The following CHLSN variants were observed in gnomAD, a reference collection of about 807,000 sequenced individuals.
The protein encoded by CHLSN is protein cholesin.
chr7:1,120,589 G>A, the CHLSN span, among the ~76,000 whole-genome samples: 1 of 152,156 alleles, frequency 6.6e-6, no homozygotes, highest in Admixed American at 6.5e-5. Flanking sequence ...CACCGTACCT[G>A]GCCAGCAGCT....
At chr7:996,992 G>C in the CHLSN span, 1 of 152,372 alleles carries the variant, frequency 6.6e-6, no homozygotes. Flanking sequence ...ACCGCACAGA[G>C]CAGGACCCAC....
chr7:1,009,698 C>T, the CHLSN span, among the ~76,000 whole-genome samples: 1 of 152,218 alleles, frequency 6.6e-6, no homozygotes, highest in African/African-American at 2.4e-5. Context: ...ACCATCAGAC[C>T]CATTTCTAAA....
the CHLSN span, among the ~76,000 whole-genome samples, chr7:1,004,366 G>A: frequency 1.3e-5 from 2 of 152,284 alleles, no homozygotes; most frequent in African/African-American, 4.8e-5. Flanking sequence ...CCTTGGGAAC[G>A]TGGAGTGGTG....
At chr7:1,077,922 TGCC>T in the CHLSN span, 1 of 152,406 alleles carries the variant, frequency 6.6e-6, no homozygotes, top group Non-Finnish European at 1.5e-5. Context: ...CGGCGTCCTC[TGCC>T]GCCAACTGCT....
chr7:1,030,442 G>A, the CHLSN span, among the ~76,000 whole-genome samples: 4 of 152,178 alleles, frequency 2.6e-5, no homozygotes, highest in African/African-American at 9.7e-5. Context: ...CCCGGGCTGG[G>A]CCACTAGCCC....
At chr7:1,089,745 C>T in the CHLSN span, among the ~76,000 whole-genome samples, 77 of 135,756 alleles carry the variant, frequency 5.7e-4, 2 homozygotes, top group African/African-American at 1.8e-3. Context: ...TATTTTCAAG[C>T]AATAGGTCAA....
the CHLSN span, among the ~76,000 whole-genome samples, chr7:1,081,090 C>A: frequency 1.3e-5 from 2 of 152,250 alleles, no homozygotes; most frequent in East Asian, 3.8e-4. Flanking sequence ...ACGCCCCCCA[C>A]CCGGCAGCCC....
chr7:1,136,577 CAT>C, the CHLSN span, among the ~76,000 whole-genome samples: 6 of 128,262 alleles, frequency 4.7e-5, no homozygotes, highest in South Asian at 8.8e-4. Flanking sequence ...TAAACATAAA[CAT>C]ATATAAACAT....
At chr7:1,133,392 C>CAAAAAAAAAAAAA in the CHLSN span, among the ~76,000 whole-genome samples, 4 of 91,106 alleles carry the variant, frequency 4.4e-5, no homozygotes, top group African/African-American at 1.2e-4. Context: ...CGATATACTG[C>CAAAAAAAAAAAAA]AAAAAAAAAA....
At chr7:1,064,706 C>T in the CHLSN span, among the ~76,000 whole-genome samples, 1 of 152,226 alleles carries the variant, frequency 6.6e-6, no homozygotes, top group African/African-American at 2.4e-5. Context: ...GCCGAGTCAC[C>T]TGGCCCCAGA....
At chr7:1,094,967 G>T in the CHLSN span, among the ~76,000 whole-genome samples, 1 of 152,178 alleles carries the variant, frequency 6.6e-6, no homozygotes, top group African/African-American at 2.4e-5. Context: ...GAACAGGGCG[G>T]CTCCCACACA....
the CHLSN span, chr7:985,406 G>A: frequency 2.8e-6 from 4 of 1,435,874 alleles, no homozygotes; most frequent in Admixed American, 6.6e-5. Context: ...CCCCAGTGCT[G>A]TCCCCTCTCA....
chr7:1,052,434 G>C, the CHLSN span, among the ~76,000 whole-genome samples: 1 of 152,192 alleles, frequency 6.6e-6, no homozygotes, highest in African/African-American at 2.4e-5. This position sits in a 1 kb window ranked among gnomAD's most constrained non-coding sequence, Gnocchi z 4.2. Context: ...GTGGGGGAGG[G>C]TTTCGGGGGG....
At chr7:1,130,404 A>T in the CHLSN span, among the ~76,000 whole-genome samples, 1 of 152,092 alleles carries the variant, frequency 6.6e-6, no homozygotes, top group East Asian at 1.9e-4. Context: ...GGCAGGGACA[A>T]GGCTGCTTCT....
chr7:1,070,573 AACACGCACACACGG>A, the CHLSN span, among the ~76,000 whole-genome samples: 1 of 134,712 alleles, frequency 7.4e-6, no homozygotes, highest in Non-Finnish European at 1.6e-5. Flanking sequence ...CACACACGCA[AACACGCACACACGG>A]ACACGCACAC....
the CHLSN span, chr7:1,045,282 C>G: frequency 6.6e-6 from 1 of 152,246 alleles, no homozygotes; most frequent in Non-Finnish European, 1.5e-5. Flanking sequence ...TGGCTTATCT[C>G]TGCATGCATG....
At chr7:1,016,765 ACAGCG>A in the CHLSN span, among the ~76,000 whole-genome samples, 7 of 77,074 alleles carry the variant, frequency 9.1e-5, no homozygotes, top group Middle Eastern at 8.6e-3. Flanking sequence ...ACGCCAGCGC[ACAGCG>A]CACAGCAGCG....
the CHLSN span, chr7:983,327 C>T: frequency 1.5e-5 from 23 of 1,539,430 alleles, no homozygotes; most frequent in Admixed American, 1.2e-4. Flanking sequence ...CGCCCGCTGC[C>T]GCTCGTCGGG....
At chr7:983,064 C>G in the CHLSN span, 2 of 653,702 alleles carry the variant, frequency 3.1e-6, no homozygotes, top group South Asian at 7.5e-5. Flanking sequence ...TTAAGCCATC[C>G]GCTGGGGGCT....
Sources: gnomAD v4.1 joint callset for allele counts (sites outside exome capture counted in the v4.1 genomes callset) on GRCh38, gnomAD v4.1.1 for gene constraint, Gnocchi (gnomAD v3.1) non-coding constraint, MANE v1.5 for transcripts, NCBI Gene and HGNC (gene_info 2026-07-23, HGNC 2026-07-21) for gene names.